Variants in PKN2 observed in about 807,000 individuals in gnomAD.
PKN2 encodes protein kinase N2, also known as serine/threonine-protein kinase N2.
In PKN2, 38 loss-of-function variants were observed where a neutral mutation model predicts 119.1. That is an observed-to-expected ratio of 0.32 (90% CI 0.25 to 0.42). PKN2 has a LOEUF of 0.42. Among genes scored for constraint, PKN2 ranks in the 10% least tolerant of loss-of-function variants. The probability of loss-of-function intolerance (pLI) is 1.00; values close to 1 mark genes in which losing one functional copy is unlikely to be tolerated. For synonymous variants in PKN2, 390 were observed against 384.9 expected, an observed-to-expected ratio of 1.01 and a Z score of -0.15; for missense variants, 850 against 1,165.1, an observed-to-expected ratio of 0.73 and a Z score of 3.94.
intron 4 of PKN2, 123 bp downstream of exon 4, chr1:88,770,592 C>CTT (rs1251148666): frequency 2.9e-4 from 104 of 361,400 alleles, no homozygotes; most frequent in Middle Eastern, 6.1e-4. Flanking sequence ...TTTTTTTTTT[C>CTT]TTTTTTTTTT....
At chr1:88,829,010 A>G (rs1223438998) in intron 19 of PKN2, 1 of 642,704 alleles carries the variant, frequency 1.6e-6, no homozygotes. Context: ...CTTCCTCCAG[A>G]CTTCCGTCTG....
intron 2 of PKN2, among the ~76,000 whole-genome samples, chr1:88,758,586 G>A (rs1322997917): frequency 6.6e-6 from 1 of 152,060 alleles, no homozygotes; most frequent in Non-Finnish European, 1.5e-5. Context: ...ATGTGTCCAT[G>A]TGTTCCCATC....
intron 6 of PKN2, among the ~76,000 whole-genome samples, chr1:88,780,858 A>G (rs1159032280): frequency 6.6e-6 from 1 of 152,186 alleles, no homozygotes; most frequent in Admixed American, 6.5e-5. Context: ...CTAGAAAAGT[A>G]ATAAAATCAC....
intron 16 of PKN2, among the ~76,000 whole-genome samples, chr1:88,820,740 CT>C (rs1428163881): frequency 2.0e-5 from 3 of 151,964 alleles, no homozygotes; most frequent in Non-Finnish European, 4.4e-5. Context: ...AAATAGTGTA[CT>C]TTGGAGAAGC....
intron 1 of PKN2, among the ~76,000 whole-genome samples, chr1:88,697,961 C>T (rs1666608942): frequency 6.6e-6 from 1 of 152,112 alleles, no homozygotes. Context: ...TATCCTACTT[C>T]ATTTTCTCTT....
At chr1:88,715,626 T>A (rs1008618690) in intron 1 of PKN2, among the ~76,000 whole-genome samples, 2 of 152,190 alleles carry the variant, frequency 1.3e-5, no homozygotes, top group Non-Finnish European at 2.9e-5. Flanking sequence ...TGTATTTCTG[T>A]GGAATTGGTG....
intron 6 of PKN2, among the ~76,000 whole-genome samples, chr1:88,783,549 G>A (rs1670442467): frequency 6.6e-6 from 1 of 152,130 alleles, no homozygotes; most frequent in Admixed American, 6.5e-5. Context: ...GTACTTCAGT[G>A]TTATTAAAAA....
At chr1:88,820,180 CTATATATATATATATATATATA>C (rs397980752) in intron 16 of PKN2, among the ~76,000 whole-genome samples, 11,053 of 70,682 alleles carry the variant, frequency 0.16, 991 homozygotes, top group East Asian at 0.33. Flanking sequence ...TTTCAGAAAC[CTATATATATATATATATATATA>C]TATATATATA....
intron 2 of PKN2, among the ~76,000 whole-genome samples, chr1:88,748,305 T>C (rs1668851884): frequency 6.6e-6 from 1 of 152,170 alleles, no homozygotes; most frequent in African/African-American, 2.4e-5. Flanking sequence ...TCTGTCACTA[T>C]AGTTCTCTTT....
chr1:88,829,039 C>G, intron 19 of PKN2: 1 of 646,210 alleles, frequency 1.5e-6, no homozygotes, highest in Non-Finnish European at 3.0e-6. Context: ...ACTCTGCATC[C>G]TTGCTTCACC....
intron 2 of PKN2, among the ~76,000 whole-genome samples, chr1:88,743,999 TTTA>T (rs1314905184): frequency 6.6e-6 from 1 of 152,166 alleles, no homozygotes; most frequent in Non-Finnish European, 1.5e-5. Flanking sequence ...AAATTTTTAT[TTTA>T]TTAAAAAAAT....
At chr1:88,825,493 A>G (rs1223796620) in intron 18 of PKN2, among the ~76,000 whole-genome samples, 2 of 152,182 alleles carry the variant, frequency 1.3e-5, no homozygotes, top group East Asian at 3.9e-4. Context: ...TGGTATCACA[A>G]TCCCCTCAGC....
intron 1 of PKN2, among the ~76,000 whole-genome samples, chr1:88,706,008 G>A (rs1374754263): frequency 1.3e-5 from 2 of 150,284 alleles, no homozygotes; most frequent in Non-Finnish European, 3.0e-5. Flanking sequence ...TTTAAAACCG[G>A]CTTGCCAATT....
chr1:88,687,027 C>T (rs1439319194), intron 1 of PKN2, among the ~76,000 whole-genome samples: 2 of 152,070 alleles, frequency 1.3e-5, no homozygotes, highest in East Asian at 1.9e-4. Flanking sequence ...CTGAAAGTTA[C>T]ATATTACAAC....
At chr1:88,807,916 A>C in intron 15 of PKN2, 141 bp downstream of exon 15, 1 of 546,684 alleles carries the variant, frequency 1.8e-6, no homozygotes. Flanking sequence ...ATTTGACATA[A>C]GGTAGACATT....
Position 88,771,802 on chromosome 1 carries a change from C to G in PKN2, c.908C>G (p.Pro303Arg), listed in dbSNP as rs1669903912. 1.2e-6 allele frequency: 2 copies of G among 1,613,752 alleles called. No individual in the cohort carries two copies. Among genetic ancestry groups the G allele is most frequent in the Non-Finnish European group, 1.7e-6 (2 of 1,179,878 alleles). The part of the protein sequence containing the change: ...IEELSLVAAS[P>R]TLSPRQSMIS... ...GAACTTTCACTTGTTGCTGCATCAC[C>G]AACACTAAGTCCACGTCAAAGTATG... The change falls in exon 6 of 22, where the codon CCA becomes CGA. Residue 303 changes from proline to arginine, a missense_variant. Transcript: ENST00000370521.
rs1248569250 is a variant in PKN2, at chr1:88,820,200, A to G, written c.2280-1741A>G. ...GAAACCTATATATATATATATATAT[A>G]TATATATATATATATATATATATAT... On this transcript the variant is annotated intron_variant, in intron 16 of 21. Transcript: ENST00000370521. 2.5e-4 allele frequency among the ~76,000 whole-genome samples: 18 copies of G among 70,700 alleles called. No individual in the cohort carries two copies. The East Asian group carries it at 7.2e-3, about 28-fold the overall frequency. The allele number at this position is 70,700 out of a possible 152,430, so 46.4% of individuals were successfully genotyped here. A position where few individuals can be genotyped will look rare whatever the true frequency, so the allele number is the denominator to read the frequency against.
In PKN2 at chr1:88,684,410, A is replaced by G. The variant is rs1018120996; in HGVS notation, c.-171A>G. 1 of 559,652 alleles carries G rather than the reference A, an allele frequency of 1.8e-6. No individual in the cohort carries two copies. 34.7% of individuals were successfully genotyped at this position (559,652 alleles called of 1,614,324 possible). A position where few individuals can be genotyped will look rare whatever the true frequency, so the allele number is the denominator to read the frequency against. On this transcript the variant is annotated 5_prime_UTR_variant, in exon 1 of 22. Coordinates refer to ENST00000370521, the MANE Select transcript of PKN2 (RefSeq NM_006256.4). ...CCTAGCTCCCCGCCGCTCTCGATGA[A>G]CCGGACGGAATAAGCCGCGCCTCCA...
intron 6 of PKN2, among the ~76,000 whole-genome samples, chr1:88,773,719 C>T (rs956460327): frequency 2.0e-5 from 3 of 152,158 alleles, no homozygotes; most frequent in African/African-American, 7.2e-5. Context: ...TTTGAGGCTA[C>T]AGTGAGTCAT....
Sources: allele counts gnomAD v4.1 joint callset (sites outside exome capture counted in the v4.1 genomes callset), GRCh38; gene constraint gnomAD v4.1.1; transcripts MANE v1.5; gene names NCBI Gene and HGNC (gene_info 2026-07-23, HGNC 2026-07-21).